Variants in TMEM266 observed in about 807,000 individuals in gnomAD.
TMEM266 encodes the protein Hv1 related protein 1.
In TMEM266, 33 loss-of-function variants were observed where a neutral mutation model predicts 50.5. The ratio of observed to expected loss-of-function variants is 0.65; its 90% confidence interval spans 0.50 to 0.87. The LOEUF is 0.87. Among genes scored for constraint, TMEM266 ranks in the 40% least tolerant of loss-of-function variants. The probability of loss-of-function intolerance (pLI) is 0.00; values close to 1 mark genes in which losing one functional copy is unlikely to be tolerated. For synonymous variants in TMEM266, 310 were observed against 292.3 expected (o/e 1.06, Z -0.62); for missense variants, 655 against 695.1 (o/e 0.94, Z 0.65).
At chr15:76,174,482 C>T (rs766856469) in intron 7 of TMEM266, among the ~76,000 whole-genome samples, 14 of 151,826 alleles carry the variant, frequency 9.2e-5, no homozygotes, top group African/African-American at 2.7e-4. Flanking sequence ...ACTTGGGAGA[C>T]GGAGGTTGCA....
intron 1 of TMEM266, among the ~76,000 whole-genome samples, chr15:76,103,052 A>G (rs1456971377): frequency 6.6e-6 from 1 of 152,026 alleles, no homozygotes; most frequent in Admixed American, 6.6e-5. Flanking sequence ...GGACAGGCAA[A>G]GGGGGAAGCA....
intron 1 of TMEM266, among the ~76,000 whole-genome samples, chr15:76,082,085 C>T (rs2036702607): frequency 6.6e-6 from 1 of 152,172 alleles, no homozygotes; most frequent in Non-Finnish European, 1.5e-5. Flanking sequence ...TGTATTGCAT[C>T]AACAAACTCA....
rs557513678 is a variant in TMEM266, at chr15:76,175,703, C to T, written c.768+29C>T. ...ATGCACTGCCACTTTCGGCTCTGTCCGTGGTCTTGCTGGGGACACTGGTAG... is the reference window on the plus strand; with the variant it reads ...ATGCACTGCCACTTTCGGCTCTGTCTGTGGTCTTGCTGGGGACACTGGTAG... On this transcript the variant is annotated intron_variant, in intron 8 of 10. Transcript: ENST00000388942. 41 of 1,581,974 alleles carry T rather than the reference C, an allele frequency of 2.6e-5. No homozygotes were observed. In the South Asian group the frequency reaches 3.6e-4, roughly 14 times the overall value.
chr15:76,164,760 C>G (rs148406766), intron 5 of TMEM266, among the ~76,000 whole-genome samples: 1 of 152,248 alleles, frequency 6.6e-6, no homozygotes, highest in East Asian at 1.9e-4. Flanking sequence ...GAGCCACGCA[C>G]CACCCTACGC....
chr15:76,104,584 C>G (rs563325349), intron 1 of TMEM266, among the ~76,000 whole-genome samples: 74 of 149,542 alleles, frequency 4.9e-4, no homozygotes, highest in Non-Finnish European at 9.8e-4. Flanking sequence ...TTTGGGAGGC[C>G]GAGGCGGGCG....
Position 76,153,729 on chromosome 15 carries a change from A to T in TMEM266, c.228-2875A>T, listed in dbSNP as rs1315358826. On this transcript the variant is annotated intron_variant, in intron 3 of 10. Coordinates refer to ENST00000388942, the MANE Select transcript of TMEM266 (RefSeq NM_152335.3). This position sits in a 1 kb window ranked among gnomAD's most constrained non-coding sequence, Gnocchi z 4.2. ...AAATGGGGCTGGCAAAAGGGGAGGC[A>T]GGAATGTCACATCGTGGGAAAAGAA... Among the ~76,000 whole-genome samples, 1 of 152,176 alleles carries T rather than the reference A, an allele frequency of 6.6e-6. No individual in the cohort carries two copies. The highest frequency in any genetic ancestry group is 1.5e-5 in the Non-Finnish European group (1 of 68,022).
intron 1 of TMEM266, among the ~76,000 whole-genome samples, chr15:76,084,553 T>C (rs1203070975): frequency 6.6e-6 from 1 of 151,924 alleles, no homozygotes; most frequent in Admixed American, 6.6e-5. Flanking sequence ...CTATTTCTGG[T>C]GAAATTTGGA....
chr15:76,169,633 G>A (rs1206453186), intron 5 of TMEM266, among the ~76,000 whole-genome samples, 183 bp from the exon 6 acceptor site: 4 of 152,184 alleles, frequency 2.6e-5, no homozygotes, highest in African/African-American at 9.6e-5. Flanking sequence ...CACCACGAAG[G>A]CTGGAGCTGG....
rs2038518115 is a variant in TMEM266 at position 76,188,274 on chromosome 15, G to C, written c.769-3694G>C. Among the ~76,000 whole-genome samples the C allele has an allele frequency of 3.3e-5, 5 of 152,162 alleles. No individual in the cohort carries two copies. In the South Asian group the frequency reaches 1.0e-3, roughly 32 times the overall value. ...GAGGCCTCAGGAAACTCACAATCATGGCAGAAGGGGAAGCAAACACGTCCT... is the reference window on the plus strand; with the variant it reads ...GAGGCCTCAGGAAACTCACAATCATCGCAGAAGGGGAAGCAAACACGTCCT... On this transcript the variant is annotated intron_variant, in intron 8 of 10. Coordinates refer to ENST00000388942, the MANE Select transcript of TMEM266 (RefSeq NM_152335.3).
chr15:76,159,417 T>C (rs181954500), intron 4 of TMEM266, among the ~76,000 whole-genome samples: 139 of 152,244 alleles, frequency 9.1e-4, no homozygotes, highest in African/African-American at 3.0e-3. Context: ...CTGATGGCTG[T>C]CCTCACTCCC....
chr15:76,192,576 T>G (rs1287033284), intron 9 of TMEM266, among the ~76,000 whole-genome samples: 1 of 152,184 alleles, frequency 6.6e-6, no homozygotes, highest in African/African-American at 2.4e-5. Context: ...TGGGGCTTCC[T>G]ACTGGACTAC....
At chr15:76,076,506 A>G (rs2036609793) in intron 1 of TMEM266, among the ~76,000 whole-genome samples, 1 of 152,106 alleles carries the variant, frequency 6.6e-6, no homozygotes, top group African/African-American at 2.4e-5. Context: ...ATTTAACAAA[A>G]TTCCAACAAT....
In TMEM266 at chr15:76,157,462, C is replaced by T. The variant is rs945258184; in HGVS notation, c.382+704C>T. On this transcript the variant is annotated intron_variant, in intron 4 of 10. Transcript: ENST00000388942. ...CCTCTTGGCATTTGTCTTAGTTTCA[C>T]GTTAAACCTTGTCTTCCACCTCTTC... Among the ~76,000 whole-genome samples, 6 of 152,144 alleles carry T rather than the reference C, an allele frequency of 3.9e-5. No homozygotes were observed. In the East Asian group the frequency reaches 5.8e-4, roughly 15 times the overall value.
rs2142051411 is a variant in TMEM266, at chr15:76,160,983, GA to G, written c.456+816del. ...GACTCTGGCCTGCATCTGGGTGTGG[GA>G]GGAATTGGCTTGGTCCTGCTGCAGG... is the stretch of plus-strand genomic sequence containing the variant. On this transcript the variant is annotated intron_variant, in intron 5 of 10. Coordinates refer to ENST00000388942, the MANE Select transcript of TMEM266 (RefSeq NM_152335.3). This position sits in a 1 kb window ranked among gnomAD's most constrained non-coding sequence, Gnocchi z 5.7. 6.6e-6 allele frequency among the ~76,000 whole-genome samples: 1 copy of G among 152,320 alleles called. No individual in the cohort carries two copies. Among genetic ancestry groups the G allele is most frequent in the East Asian group, 1.9e-4 (1 of 5,172 alleles).
intron 1 of TMEM266, among the ~76,000 whole-genome samples, chr15:76,119,673 A>G (rs1303485143): frequency 1.3e-5 from 2 of 152,148 alleles, no homozygotes; most frequent in Non-Finnish European, 2.9e-5. Flanking sequence ...AGGCTGAGGC[A>G]GGAGAATTAC....
intron 1 of TMEM266, among the ~76,000 whole-genome samples, chr15:76,108,372 A>G (rs142658657): frequency 3.5e-4 from 54 of 152,348 alleles, no homozygotes; most frequent in African/African-American, 1.2e-3. Context: ...AAGAAATGTC[A>G]TAGATTGTAG....
At chr15:76,195,685 G>C (rs1567184556) in intron 9 of TMEM266, among the ~76,000 whole-genome samples, 1 of 152,194 alleles carries the variant, frequency 6.6e-6, no homozygotes, top group Non-Finnish European at 1.5e-5. Context: ...CTTTCTGCAG[G>C]TCTAAGCACT....
intron 1 of TMEM266, chr15:76,114,114 A>G (rs2037213408): frequency 6.6e-6 from 1 of 152,230 alleles, no homozygotes; most frequent in Non-Finnish European, 1.5e-5. Context: ...AATTAAAAAT[A>G]GTTGTGGTTC....
intron 2 of TMEM266, among the ~76,000 whole-genome samples, chr15:76,137,422 C>T (rs568590245): frequency 1.3e-5 from 2 of 152,218 alleles, no homozygotes; most frequent in Admixed American, 6.5e-5. Context: ...GGGTCTTTAC[C>T]TCCCCTTCAT....
Sources: gnomAD v4.1 joint callset for allele counts (sites outside exome capture counted in the v4.1 genomes callset) on GRCh38, gnomAD v4.1.1 for gene constraint, Gnocchi (gnomAD v3.1) non-coding constraint, MANE v1.5 for transcripts, NCBI Gene and HGNC (gene_info 2026-07-23, HGNC 2026-07-21) for gene names.